The following PARD3B variants were observed in gnomAD, a reference collection of about 807,000 sequenced individuals.
PARD3B encodes the protein partitioning defective 3 homolog B.
A neutral mutation model predicts 130.2 loss-of-function variants in PARD3B; 103 were observed. The ratio of observed to expected loss-of-function variants is 0.79; its 90% confidence interval spans 0.67 to 0.93. PARD3B has a LOEUF of 0.93. Ranked by LOEUF, PARD3B falls within the 40% of genes least tolerant of loss-of-function variation. The pLI, the probability that PARD3B is intolerant of heterozygous loss-of-function variation, is 0.00. For missense variants in PARD3B, 1,609 were observed against 1,499.2 expected (o/e 1.07, Z -1.21); for synonymous variants, 583 against 553.2 (o/e 1.05, Z -0.76).
chr2:204,764,763 A>G (rs2041070882), intron 2 of PARD3B, among the ~76,000 whole-genome samples: 2 of 122,288 alleles, frequency 1.6e-5, no homozygotes, highest in Admixed American at 8.3e-5. Flanking sequence ...TTTAATTTAC[A>G]TTTGAAATAG....
rs1373843339 is a variant in PARD3B at position 204,570,887 on chromosome 2, CAACTGAGGTGTATAAGCTGTTGT to C, written c.120+24837_120+24859del. 1.1e-3 allele frequency among the ~76,000 whole-genome samples: 142 copies of C among 127,984 alleles called. 3 individuals carry two copies. The highest frequency in any genetic ancestry group is 1.9e-3 in the African/African-American group (59 of 31,328). The allele number at this position is 127,984 out of a possible 152,430, so 84.0% of individuals were successfully genotyped here. ...TGTAACTGAGGTGTATAAGCTGTTG[CAACTGAGGTGTATAAGCTGTTGT>C]AACTGAGGTGTATAAGCTGTTGTAA... On this transcript the variant is annotated intron_variant, in intron 1 of 22. Transcript: ENST00000406610.
chr2:204,592,576 A>G (rs1041973217), intron 1 of PARD3B, among the ~76,000 whole-genome samples: 5 of 152,218 alleles, frequency 3.3e-5, no homozygotes, highest in African/African-American at 1.2e-4. Flanking sequence ...ATACTTTTTA[A>G]AATGATTTTA....
chr2:205,390,630 T>C (rs2045824503), intron 18 of PARD3B, among the ~76,000 whole-genome samples: 1 of 152,176 alleles, frequency 6.6e-6, no homozygotes, highest in South Asian at 2.1e-4. Flanking sequence ...TGCAGATGAA[T>C]TCCATAGAAA....
At chr2:205,382,942 G>A (rs2045506156) in intron 18 of PARD3B, among the ~76,000 whole-genome samples, 2 of 151,758 alleles carry the variant, frequency 1.3e-5, no homozygotes, top group South Asian at 2.1e-4. Context: ...TAGGTTCCCC[G>A]CCACAGCCCA....
intron 21 of PARD3B, among the ~76,000 whole-genome samples, chr2:205,549,470 C>A (rs1416022026): frequency 6.6e-6 from 1 of 152,074 alleles, no homozygotes; most frequent in African/African-American, 2.4e-5. Flanking sequence ...AAGAAATGAG[C>A]TATCAAGCCA....
At chr2:204,644,054 G>A (rs1349208871) in intron 1 of PARD3B, among the ~76,000 whole-genome samples, 1 of 151,986 alleles carries the variant, frequency 6.6e-6, no homozygotes. Flanking sequence ...TTATTTATTC[G>A]TTCTCTGAAG....
In PARD3B at chr2:204,670,029, C is replaced by A. The variant is rs1029586478; in HGVS notation, c.121-16152C>A. On this transcript the variant is annotated intron_variant, in intron 1 of 22. Transcript: ENST00000406610. Reference sequence around the variant, plus strand: ...TGATTCTGAAGTTGAACGGTTGGGACAGTCAGAAATGCTTATTATTTAGAG... The same window carrying A: ...TGATTCTGAAGTTGAACGGTTGGGAAAGTCAGAAATGCTTATTATTTAGAG... Among the ~76,000 whole-genome samples the A allele has an allele frequency of 2.0e-5, 3 of 152,216 alleles. No homozygotes were observed. The East Asian group carries it at 5.8e-4, about 29-fold the overall frequency.
At chr2:205,101,292 T>C (rs1575782431) in intron 4 of PARD3B, among the ~76,000 whole-genome samples, 1 of 152,140 alleles carries the variant, frequency 6.6e-6, no homozygotes, top group Admixed American at 6.5e-5. Context: ...ATACAATAAA[T>C]TAAAATTAAA....
At position 205,121,837 on chromosome 2, in the gene PARD3B, G is replaced by T; in HGVS notation, c.1053G>T (p.Lys351Asn). 1 of 1,614,078 alleles carries T rather than the reference G, an allele frequency of 6.2e-7. No homozygotes were observed. Among genetic ancestry groups the T allele is most frequent in the Non-Finnish European group, 8.5e-7 (1 of 1,180,014 alleles). The stretch of plus-strand genomic sequence containing the variant: ...CATCAGCTTCCCTGCAACAAAACAA[G>T]AGTCCCCGAGTACCAAGGCTGGGAG... ...TDASASLQQN[K>N]SPRVPRLGGK... is the part of the protein sequence containing the mutation. Residue 351 changes from lysine to asparagine, a missense_variant, in exon 8 of 23, where the codon AAG becomes AAT. Lys to Asn is a moderately conservative substitution (Grantham distance 94, BLOSUM62 0). Transcript: ENST00000406610. The surrounding 1 kb of genome is among the most constrained non-coding windows in gnomAD (Gnocchi z 5.0).
chr2:204,817,247 C>T (rs886468163), intron 2 of PARD3B, among the ~76,000 whole-genome samples: 28 of 151,796 alleles, frequency 1.8e-4, no homozygotes, highest in Admixed American at 7.9e-4. Context: ...ATTCTTGGCA[C>T]ATCTAGGAAT....
At chr2:204,552,646 C>T (rs921685247) in intron 1 of PARD3B, among the ~76,000 whole-genome samples, 1 of 152,126 alleles carries the variant, frequency 6.6e-6, no homozygotes, top group Non-Finnish European at 1.5e-5. Context: ...AGATTTAAAT[C>T]CTTGATCCAC....
intron 2 of PARD3B, among the ~76,000 whole-genome samples, chr2:204,834,988 A>G (rs2043976291): frequency 1.3e-5 from 2 of 152,214 alleles, no homozygotes; most frequent in Non-Finnish European, 2.9e-5. Flanking sequence ...TACCTTGTTC[A>G]TTAGACCTGG....
intron 19 of PARD3B, among the ~76,000 whole-genome samples, chr2:205,408,389 A>T (rs1472172252): frequency 1.3e-5 from 2 of 152,144 alleles, no homozygotes; most frequent in African/African-American, 2.4e-5. Flanking sequence ...CATTTTATTT[A>T]ATTATGGAGG....
chr2:205,196,682 C>G (rs998643915), intron 15 of PARD3B, among the ~76,000 whole-genome samples: 1 of 152,080 alleles, frequency 6.6e-6, no homozygotes, highest in South Asian at 2.1e-4. Flanking sequence ...AGAATTTTCT[C>G]ACATAAATAA....
intron 21 of PARD3B, among the ~76,000 whole-genome samples, chr2:205,510,901 C>T (rs2050564452): frequency 6.6e-6 from 1 of 152,130 alleles, no homozygotes. Context: ...ATCTTTAATC[C>T]AGTTTTATAG....
At chr2:205,252,252 G>C (rs2039881032) in intron 16 of PARD3B, among the ~76,000 whole-genome samples, 1 of 152,114 alleles carries the variant, frequency 6.6e-6, no homozygotes, top group African/African-American at 2.4e-5. Flanking sequence ...AATTATTTTA[G>C]TTCCACTCAT....
At chr2:204,978,106 T>G (rs1049435811) in intron 3 of PARD3B, among the ~76,000 whole-genome samples, 2 of 152,132 alleles carry the variant, frequency 1.3e-5, no homozygotes, top group Non-Finnish European at 2.9e-5. Context: ...GAAAATGGTC[T>G]TCAGAAGGCA....
In PARD3B at chr2:204,953,414, CACACACAGAGAGAGAG is replaced by C. The variant is rs1372784489; in HGVS notation, c.223-11736_223-11721del. Reference sequence around the variant, plus strand: ...ATTGACATATATATGTTAACATACACACACACAGAGAGAGAGAGAGAGAGAGAGAGAGAGAGAGAGA... The same window carrying C: ...ATTGACATATATATGTTAACATACACAGAGAGAGAGAGAGAGAGAGAGAGA... On this transcript the variant is annotated intron_variant, in intron 2 of 22. Coordinates refer to ENST00000406610, the MANE Select transcript of PARD3B (RefSeq NM_001302769.2). 7.1e-3 allele frequency among the ~76,000 whole-genome samples: 760 copies of C among 106,440 alleles called. 8 individuals are homozygous for C. The highest frequency in any genetic ancestry group is 0.029 in the African/African-American group (724 of 24,962). The allele number at this position is 106,440 out of a possible 152,430, so 69.8% of individuals were successfully genotyped here.
chr2:205,613,456 G>A (rs867970070), intron 22 of PARD3B, among the ~76,000 whole-genome samples: 13 of 152,302 alleles, frequency 8.5e-5, no homozygotes, highest in Middle Eastern at 3.4e-3. Flanking sequence ...AAGATATACC[G>A]AAGGCTGGAA....
Sources: allele counts gnomAD v4.1 joint callset (sites outside exome capture counted in the v4.1 genomes callset), GRCh38; gene constraint gnomAD v4.1.1; non-coding constraint Gnocchi (gnomAD v3.1); transcripts MANE v1.5; gene names NCBI Gene and HGNC (gene_info 2026-07-23, HGNC 2026-07-21).